The following PINX1 variants were observed in gnomAD, a reference collection of about 807,000 sequenced individuals.
PINX1 encodes PIN2/TERF1-interacting telomerase inhibitor 1.
In PINX1, 34 loss-of-function variants were observed where a neutral mutation model predicts 25.4. The observed-to-expected ratio is 1.34, with a 90% CI of 1.02 to 1.78. PINX1 has a LOEUF of 1.78. PINX1 is among the 40% of genes most tolerant of loss of function. PINX1 has a pLI of 0.00. For synonymous variants in PINX1, 197 were observed against 147.7 expected (o/e 1.33, Z -2.42); for missense variants, 592 against 404.9 (o/e 1.46, Z -3.97).
In PINX1 at chr8:10,776,462, CAAACAAAT is replaced by C. The variant is rs1489859054; in HGVS notation, c.472-10554_472-10547del. Reference sequence around the variant, plus strand: ...ATAAATAAATAAACAAACAAACAAACAAACAAATAAAAATTGGTCTTTAACATTATATA... The same window carrying C: ...ATAAATAAATAAACAAACAAACAAACAAAAATTGGTCTTTAACATTATATA... On this transcript the variant is annotated intron_variant, in intron 6 of 6. Coordinates refer to ENST00000314787, the MANE Select transcript of PINX1 (RefSeq NM_017884.6). Among the ~76,000 whole-genome samples, 520 of 148,980 alleles carry C rather than the reference CAAACAAAT, an allele frequency of 3.5e-3. 5 individuals are homozygous for C. The highest frequency in any genetic ancestry group is 0.012 in the African/African-American group (488 of 40,494).
chr8:10,806,727 C>G (rs1563221918), intron 6 of PINX1, among the ~76,000 whole-genome samples: 1 of 152,130 alleles, frequency 6.6e-6, no homozygotes, highest in Non-Finnish European at 1.5e-5. Flanking sequence ...CCTGGAAAAA[C>G]TGACCCCCAG....
At chr8:10,799,031 A>G (rs1802178421) in intron 6 of PINX1, among the ~76,000 whole-genome samples, 1 of 152,230 alleles carries the variant, frequency 6.6e-6, no homozygotes, top group African/African-American at 2.4e-5. Flanking sequence ...CAAGGAAATT[A>G]GAGGTAAGAA....
chr8:10,834,058 G>T (rs938392085), intron 2 of PINX1, among the ~76,000 whole-genome samples: 16 of 152,160 alleles, frequency 1.1e-4, no homozygotes, highest in African/African-American at 3.9e-4. Context: ...TTCAAAGTGT[G>T]GCAAGGGAAT....
In PINX1 at chr8:10,823,968, G is replaced by C. The variant is rs535171446; in HGVS notation, c.394+2184C>G. Among the ~76,000 whole-genome samples the C allele has an allele frequency of 2.6e-5, 4 of 152,248 alleles. No individual in the cohort carries two copies. The South Asian group carries it at 8.3e-4, about 32-fold the overall frequency. On this transcript the variant is annotated intron_variant, in intron 5 of 6. Coordinates refer to ENST00000314787, the MANE Select transcript of PINX1 (RefSeq NM_017884.6). The stretch of plus-strand genomic sequence containing the variant: ...TATGTACAATTGCATCTTCCTGTTT[G>C]ATTTCCTGGACGATACATGAGTTGC...
chr8:10,787,588 T>A (rs912254983), intron 6 of PINX1: 1 of 273,772 alleles, frequency 3.7e-6, no homozygotes, highest in African/African-American at 2.2e-5. Context: ...TCTTTCAGAT[T>A]ACACTGTAAG....
intron 1 of PINX1, among the ~76,000 whole-genome samples, chr8:10,836,656 G>C (rs1285313885): frequency 7.5e-6 from 1 of 133,652 alleles, no homozygotes; most frequent in Non-Finnish European, 1.6e-5. Context: ...CAATCAATGG[G>C]ATCACACCAG....
rs1001076855 is a variant in PINX1 at position 10,786,049 on chromosome 8, C to T, written c.472-20133G>A. On this transcript the variant is annotated intron_variant, in intron 6 of 6. Coordinates refer to ENST00000314787, the MANE Select transcript of PINX1 (RefSeq NM_017884.6). ...GTAAAAGGGAGGCAGTCACTTTCCT[C>T]ACTGAGGACATCCAGGTTGTATGTG... 5.9e-5 allele frequency among the ~76,000 whole-genome samples: 9 copies of T among 152,324 alleles called. No individual in the cohort carries two copies. The South Asian group carries it at 1.7e-3, about 28-fold the overall frequency.
At chr8:10,820,349 CA>C (rs1296687079) in intron 5 of PINX1, 80 bp from the exon 6 acceptor site, 1 of 964,538 alleles carries the variant, frequency 1.0e-6, no homozygotes, top group South Asian at 1.4e-5. Flanking sequence ...TGCAGCACCT[CA>C]AAGGAAAATG....
At chr8:10,826,123 ATAACAAG>A in intron 5 of PINX1, 22 bp downstream of exon 5, 1 of 1,260,570 alleles carries the variant, frequency 7.9e-7, no homozygotes, top group Non-Finnish European at 1.1e-6. Flanking sequence ...GTAGATTTCA[ATAACAAG>A]TAAAGAAATG....
chr8:10,801,988 G>T (rs1247591440), intron 6 of PINX1, among the ~76,000 whole-genome samples: 1 of 152,200 alleles, frequency 6.6e-6, no homozygotes, highest in Non-Finnish European at 1.5e-5. Context: ...CCGCAATGGA[G>T]AAGCAGAAGA....
intron 6 of PINX1, among the ~76,000 whole-genome samples, chr8:10,783,586 A>T (rs1801659189): frequency 2.0e-5 from 3 of 152,198 alleles, no homozygotes; most frequent in Admixed American, 2.0e-4. Context: ...GTCCTCTGGC[A>T]CAGCACTCAA....
intron 6 of PINX1, among the ~76,000 whole-genome samples, chr8:10,780,783 A>C (rs1052686066): frequency 3.9e-5 from 6 of 152,204 alleles, no homozygotes. Flanking sequence ...ACATGACCCA[A>C]AGCAATATAC....
intron 6 of PINX1, among the ~76,000 whole-genome samples, chr8:10,818,660 C>G (rs970508591): frequency 6.6e-6 from 1 of 151,948 alleles, no homozygotes; most frequent in Non-Finnish European, 1.5e-5. Context: ...ACAGAAGGCA[C>G]GTGAGCCCCA....
At chr8:10,805,867 A>G (rs1802433214) in intron 6 of PINX1, among the ~76,000 whole-genome samples, 1 of 106,238 alleles carries the variant, frequency 9.4e-6, no homozygotes, top group African/African-American at 3.8e-5. Context: ...TGGGTGACGG[A>G]GCACAGGAAG....
chr8:10,819,522 T>C (rs1797801341), intron 6 of PINX1, among the ~76,000 whole-genome samples: 1 of 152,216 alleles, frequency 6.6e-6, no homozygotes, highest in South Asian at 2.1e-4. Flanking sequence ...CTAATATATC[T>C]CAAACTATAT....
At chr8:10,769,056 C>T (rs78781176) in intron 6 of PINX1, among the ~76,000 whole-genome samples, 24,283 of 152,178 alleles carry the variant, frequency 0.16, 2,458 homozygotes, top group Non-Finnish European at 0.23. Flanking sequence ...TGTCTGTTTG[C>T]TAACTGTGTG....
In PINX1 at chr8:10,765,627, C is replaced by T. The variant is rs747212882; in HGVS notation, c.761G>A (p.Ser254Asn). 1 of 1,613,904 alleles carries T rather than the reference C, an allele frequency of 6.2e-7. No individual in the cohort carries two copies. Among genetic ancestry groups the T allele is most frequent in the Middle Eastern group, 1.6e-4 (1 of 6,062 alleles). ...EAQERVAKKK[S>N]APAEEQLRGP... ...TCTGAGCTGCTCTTCTGCTGGCGCG[C>T]TCTTCTTCTTGGCCACTCGCTCCTG... Residue 254 changes from serine (S) to asparagine (N), a missense_variant, in exon 7 of 7, where the codon AGC becomes AAC. Transcript: ENST00000314787.
At position 10,833,031 on chromosome 8, in the gene PINX1, C is replaced by A. The variant is rs200215622; in HGVS notation, c.130-47G>T. 4.7e-3 allele frequency: 5,699 copies of A among 1,223,778 alleles called. 17 individuals carry two copies. Among genetic ancestry groups the A allele is most frequent in the Non-Finnish European group, 5.3e-3 (4,604 of 866,774 alleles). 75.8% of individuals were successfully genotyped at this position (1,223,778 alleles called of 1,614,324 possible). A position where few individuals can be genotyped will look rare whatever the true frequency, so the allele number is the denominator to read the frequency against. ...AGTTAGAACATTCCTCTCACTGATA[C>A]TCAGAAGCAGAGCACTGCTACAAAA... On this transcript the variant is annotated intron_variant, in intron 2 of 6. Coordinates refer to ENST00000314787, the MANE Select transcript of PINX1 (RefSeq NM_017884.6).
chr8:10,799,814 G>A (rs556707490), intron 6 of PINX1, among the ~76,000 whole-genome samples: 1 of 152,202 alleles, frequency 6.6e-6, no homozygotes, highest in East Asian at 1.9e-4. Flanking sequence ...CATGGATGCT[G>A]GGAATTTTAC....
Sources: allele counts gnomAD v4.1 joint callset (sites outside exome capture counted in the v4.1 genomes callset), GRCh38; gene constraint gnomAD v4.1.1; transcripts MANE v1.5; gene names NCBI Gene and HGNC (gene_info 2026-07-23, HGNC 2026-07-21).